INTS4: variants seen among roughly 807,000 people sequenced by gnomAD.
INTS4 encodes the protein MSTP093.
INTS4 carries 70 observed loss-of-function variants against 119.5 expected under a neutral mutation model. That is an observed-to-expected ratio of 0.59 (90% CI 0.48 to 0.71). The LOEUF (loss-of-function observed/expected upper bound fraction) is 0.71, where lower values mean the gene tolerates loss of function less well. Among genes scored for constraint, INTS4 ranks in the 30% least tolerant of loss-of-function variants. INTS4 has a pLI of 0.00. For missense variants in INTS4, 867 were observed against 1,173.2 expected (o/e 0.74, Z 3.81); for synonymous variants, 316 against 419.6 (o/e 0.75, Z 3.02).
intron 14 of INTS4, among the ~76,000 whole-genome samples, chr11:77,920,194 T>TACACATACATACAC (rs879326268): frequency 2.9e-5 from 4 of 138,806 alleles, no homozygotes; most frequent in African/African-American, 8.3e-5. Flanking sequence ...CACATATATA[T>TACACATACATACAC]ACATATATAT....
At chr11:77,875,157 C>T (rs1951562212), downstream of INTS4, among the ~76,000 whole-genome samples, 1 of 152,158 alleles carries the variant, frequency 6.6e-6, no homozygotes, top group African/African-American at 2.4e-5. Context: ...TTTCAGAAAC[C>T]TGAATCTTTT....
chr11:77,875,814 G>A (rs531867290), downstream of INTS4, among the ~76,000 whole-genome samples: 3 of 152,324 alleles, frequency 2.0e-5, no homozygotes, highest in African/African-American at 7.2e-5. Flanking sequence ...GAGACAGTCT[G>A]AGGAGCACAT....
intron 15 of INTS4, among the ~76,000 whole-genome samples, chr11:77,916,948 G>T (rs1250758147): frequency 1.3e-5 from 2 of 152,182 alleles, no homozygotes; most frequent in Non-Finnish European, 2.9e-5. Flanking sequence ...TAAACAAATA[G>T]TTAATGCTGC....
At chr11:77,963,468 A>G (rs923410658) in intron 4 of INTS4, 26 of 427,730 alleles carry the variant, frequency 6.1e-5, no homozygotes, top group African/African-American at 4.6e-4. Flanking sequence ...GGTGTTACAC[A>G]TTTTGTCAGG....
Position 77,960,379 on chromosome 11 carries a change from C to G in INTS4, c.670G>C (p.Glu224Gln). The part of the protein sequence containing the change: ...AAIKAMLQLH[E>Q]RGLKLHQTIY... ...GTTTGGTGTAATTTCAGTCCTCTTTCATGGAGCTGCAACTAGATAATAAAT... is the reference window on the plus strand; with the variant it reads ...GTTTGGTGTAATTTCAGTCCTCTTTGATGGAGCTGCAACTAGATAATAAAT... The change falls in exon 6 of 23, where the codon GAA (glutamate) becomes CAA (glutamine). Residue 224 changes from glutamate (E) to glutamine (Q), a missense_variant. This residue lies in a region of INTS4 where 208 missense variants were observed against 306.6 expected (regional missense o/e 0.68). Coordinates refer to ENST00000534064, the MANE Select transcript of INTS4 (RefSeq NM_033547.4). 6.3e-7 allele frequency: 1 copy of G among 1,596,790 alleles called. No homozygotes were observed. The highest frequency in any genetic ancestry group is 8.6e-7 in the Non-Finnish European group (1 of 1,165,794).
chr11:77,923,293 G>T (rs1450582820), intron 12 of INTS4, among the ~76,000 whole-genome samples: 3 of 138,632 alleles, frequency 2.2e-5, no homozygotes, highest in South Asian at 2.3e-4. Context: ...CTCCACCCTG[G>T]CGATAAAGAG....
rs1391116131 is a variant in INTS4, at chr11:77,891,278, T to G, written c.2592+41A>C. 1.9e-6 allele frequency: 3 copies of G among 1,592,362 alleles called. No individual in the cohort carries two copies. The Admixed American group carries it at 5.1e-5, about 27-fold the overall frequency. ...GCTAACATTAAATACTTCAACACAA[T>G]GTCAGTCTAGAAGCTCCATGAGGAC... On this transcript the variant is annotated intron_variant, in intron 21 of 22. Coordinates refer to ENST00000534064, the MANE Select transcript of INTS4 (RefSeq NM_033547.4).
chr11:77,964,862 AT>A (rs1379369695), intron 4 of INTS4, among the ~76,000 whole-genome samples: 2 of 152,134 alleles, frequency 1.3e-5, no homozygotes. Context: ...GAGGAAGAGC[AT>A]ATTTACATAA....
At chr11:77,913,600 T>C (rs1953138609) in intron 15 of INTS4, among the ~76,000 whole-genome samples, 1 of 152,226 alleles carries the variant, frequency 6.6e-6, no homozygotes, top group Non-Finnish European at 1.5e-5. Context: ...CATGAGCCAC[T>C]GTGCCCAGCC....
At chr11:77,901,051 G>A (rs1488859827) in intron 18 of INTS4, among the ~76,000 whole-genome samples, 1 of 152,166 alleles carries the variant, frequency 6.6e-6, no homozygotes, top group Non-Finnish European at 1.5e-5. Context: ...CTTATTGCCT[G>A]AGAAAAAGCT....
chr11:77,957,490 T>C (rs1357243000), intron 7 of INTS4, among the ~76,000 whole-genome samples: 1 of 150,228 alleles, frequency 6.7e-6, no homozygotes, highest in African/African-American at 2.5e-5. Flanking sequence ...TTGGAGGTTG[T>C]AGTAAGCCGA....
intron 4 of INTS4, among the ~76,000 whole-genome samples, chr11:77,977,041 C>T (rs557211820): frequency 6.6e-6 from 1 of 151,312 alleles, no homozygotes; most frequent in Non-Finnish European, 1.5e-5. Flanking sequence ...CTAACCTGCA[C>T]GTTGTGCACA....
chr11:77,985,909 C>A (rs1274901894), intron 2 of INTS4, among the ~76,000 whole-genome samples: 2 of 151,994 alleles, frequency 1.3e-5, no homozygotes, highest in Non-Finnish European at 2.9e-5. Flanking sequence ...GATACTAATG[C>A]CTGATCACAA....
chr11:77,962,447 A>T (rs959504618), intron 4 of INTS4, among the ~76,000 whole-genome samples: 1 of 152,210 alleles, frequency 6.6e-6, no homozygotes, highest in Non-Finnish European at 1.5e-5. Flanking sequence ...ATAAATTATC[A>T]GTTTTCCTCC....
intron 11 of INTS4, 58 bp from the exon 12 acceptor site, chr11:77,924,950 T>C (rs1316034063): frequency 2.2e-6 from 3 of 1,382,858 alleles, no homozygotes; most frequent in African/African-American, 1.4e-5. Context: ...ACTCAGCCTC[T>C]ATCTACCATC....
At chr11:77,929,019 C>CA (rs545705756) in intron 10 of INTS4, among the ~76,000 whole-genome samples, 25,695 of 126,728 alleles carry the variant, frequency 0.2, 2,423 homozygotes, top group Middle Eastern at 0.25. Flanking sequence ...GCCCCTGTCT[C>CA]AAAAAAAAAA....
intron 21 of INTS4, among the ~76,000 whole-genome samples, chr11:77,887,720 A>T (rs530906515): frequency 7.9e-4 from 120 of 152,298 alleles, no homozygotes; most frequent in Admixed American, 1.6e-3. Context: ...CAACTTCAGC[A>T]AAGTCTCAGG....
At chr11:77,936,258 C>T (rs1414424672) in intron 10 of INTS4, among the ~76,000 whole-genome samples, 1 of 152,128 alleles carries the variant, frequency 6.6e-6, no homozygotes, top group Non-Finnish European at 1.5e-5. Flanking sequence ...ACCTACGAAT[C>T]ACAGAAATAA....
intron 10 of INTS4, among the ~76,000 whole-genome samples, chr11:77,937,892 G>C (rs1175613220): frequency 6.6e-6 from 1 of 151,620 alleles, no homozygotes; most frequent in Non-Finnish European, 1.5e-5. Flanking sequence ...TGCTTGCTCA[G>C]GCTGGAGTGC....
Sources: gnomAD v4.1 joint callset for allele counts (sites outside exome capture counted in the v4.1 genomes callset) on GRCh38, gnomAD v4.1.1 for gene constraint, gnomAD v4.1.1 regional missense constraint, MANE v1.5 for transcripts, NCBI Gene and HGNC (gene_info 2026-07-23, HGNC 2026-07-21) for gene names.